The following LRRC49 variants were observed in gnomAD, a reference collection of about 807,000 sequenced individuals.
The protein encoded by LRRC49 is leucine-rich repeat-containing protein 49.
In LRRC49, 50 loss-of-function variants were observed where a neutral mutation model predicts 83.3. That is an observed-to-expected ratio of 0.60 (90% CI 0.48 to 0.76). The LOEUF is 0.76. Among genes scored for constraint, LRRC49 ranks in the 30% least tolerant of loss-of-function variants. The probability of loss-of-function intolerance (pLI) is 0.00; values close to 1 mark genes in which losing one functional copy is unlikely to be tolerated. For synonymous variants in LRRC49, 286 were observed against 283.3 expected (o/e 1.01, Z -0.10); for missense variants, 704 against 809.1 (o/e 0.87, Z 1.58).
intron 11 of LRRC49, among the ~76,000 whole-genome samples, chr15:71,007,430 C>A: frequency 6.6e-6 from 1 of 151,568 alleles, no homozygotes. Context: ...ACCATGGGAG[C>A]ACAAATAAGA....
rs538644866 is a variant in LRRC49, at chr15:70,905,966, A to T, written c.500+1211A>T. On this transcript the variant is annotated intron_variant, in intron 5 of 15. Coordinates refer to ENST00000260382, the MANE Select transcript of LRRC49 (RefSeq NM_017691.5). ...ATGGCCTCGGGGAGAAAGGTGAGAG[A>T]AGCTCAGACAGTGAGCTTAGGAAAA... 9.2e-5 allele frequency among the ~76,000 whole-genome samples: 14 copies of T among 152,204 alleles called. No individual in the cohort carries two copies. In the South Asian group the frequency reaches 2.3e-3, roughly 25 times the overall value.
intron 11 of LRRC49, among the ~76,000 whole-genome samples, chr15:70,988,635 C>T (rs1465594936): frequency 1.3e-5 from 2 of 151,536 alleles, no homozygotes; most frequent in African/African-American, 4.8e-5. Flanking sequence ...AGTCCATTTA[C>T]ATTTAAAGTT....
chr15:70,986,836 T>G (rs561604936), intron 11 of LRRC49, among the ~76,000 whole-genome samples: 1 of 152,344 alleles, frequency 6.6e-6, no homozygotes, highest in East Asian at 1.9e-4. Flanking sequence ...TGAGAGTTTT[T>G]AGCATGAAGG....
At chr15:70,988,153 T>C (rs1465977757) in intron 11 of LRRC49, among the ~76,000 whole-genome samples, 4 of 150,720 alleles carry the variant, frequency 2.7e-5, no homozygotes, top group African/African-American at 7.3e-5. Context: ...CTATTAGGTC[T>C]GCTTGGTGCA....
intron 7 of LRRC49, among the ~76,000 whole-genome samples, chr15:70,933,853 T>C (rs2035502653): frequency 6.6e-6 from 1 of 152,224 alleles, no homozygotes; most frequent in Non-Finnish European, 1.5e-5. Context: ...TCTTGGACCA[T>C]GATGTTAAAC....
intron 9 of LRRC49, among the ~76,000 whole-genome samples, chr15:70,964,450 T>C (rs1191404882): frequency 6.6e-6 from 1 of 152,182 alleles, no homozygotes; most frequent in Non-Finnish European, 1.5e-5. Context: ...TACTACACTT[T>C]AGACTGCGAG....
intron 6 of LRRC49, among the ~76,000 whole-genome samples, chr15:70,916,778 C>G (rs898756555): frequency 1.3e-5 from 2 of 152,124 alleles, no homozygotes; most frequent in African/African-American, 4.8e-5. Context: ...TGCAGCCACT[C>G]AAGTCACGGC....
chr15:70,891,939 G>T (rs2959174), upstream of LRRC49: 704,736 of 1,612,800 alleles, frequency 0.44, 160,284 homozygotes, highest in African/African-American at 0.72. Context: ...AGCTCTCCTC[G>T]CGTGTCCAGG....
intron 7 of LRRC49, among the ~76,000 whole-genome samples, chr15:70,933,246 A>G (rs1285365905): frequency 6.6e-6 from 1 of 152,206 alleles, no homozygotes; most frequent in Non-Finnish European, 1.5e-5. Flanking sequence ...AAATGTTTTG[A>G]ATATTATTTT....
At chr15:71,037,532 G>A (rs2039561895) in intron 15 of LRRC49, among the ~76,000 whole-genome samples, 200 bp downstream of exon 15, 1 of 151,990 alleles carries the variant, frequency 6.6e-6, no homozygotes, top group African/African-American at 2.4e-5. Flanking sequence ...GAAGAACCCA[G>A]GGTTTCAGTA....
At chr15:71,012,964 A>C in intron 14 of LRRC49, 51 bp downstream of exon 14, 4 of 1,185,986 alleles carry the variant, frequency 3.4e-6, no homozygotes, top group South Asian at 2.6e-5. Context: ...ACACTAGAAA[A>C]AGAAATAAAT....
rs1339482398 is a variant in LRRC49 at position 71,052,979 on chromosome 15, TATAA to T, written c.*3371_*3374del. 1 of 152,222 alleles carries T rather than the reference TATAA, an allele frequency of 6.6e-6. No homozygotes were observed. Among genetic ancestry groups the T allele is most frequent in the African/African-American group, 2.4e-5 (1 of 41,466 alleles). The allele number at this position is 152,222 out of a possible 1,614,324, so 9.4% of individuals were successfully genotyped here. ...AGCATATCGTAGACATTATGTGCGG[TATAA>T]ATACTAACAAATGTATAAGTACACA... On this transcript the variant is annotated 3_prime_UTR_variant, in exon 16 of 16. Transcript: ENST00000260382.
At chr15:71,023,593 G>A (rs764655724) in intron 14 of LRRC49, among the ~76,000 whole-genome samples, 6 of 152,056 alleles carry the variant, frequency 3.9e-5, no homozygotes, top group African/African-American at 1.4e-4. Flanking sequence ...TGGCCCACCT[G>A]AGAGCCACAC....
chr15:70,959,263 C>T (rs12592655), intron 8 of LRRC49, among the ~76,000 whole-genome samples: 69,137 of 151,896 alleles, frequency 0.46, 16,059 homozygotes, highest in East Asian at 0.65. Flanking sequence ...GAGGCCGAGG[C>T]GGGCGGATCA....
intron 11 of LRRC49, among the ~76,000 whole-genome samples, chr15:70,988,621 A>G (rs2037730677): frequency 6.6e-6 from 1 of 151,288 alleles, no homozygotes; most frequent in Non-Finnish European, 1.5e-5. Flanking sequence ...TAATTGGAGC[A>G]TTTAGTCCAT....
chr15:70,874,143 G>T (rs545880775), intron 2 of LRRC49, among the ~76,000 whole-genome samples: 1 of 152,098 alleles, frequency 6.6e-6, no homozygotes, highest in Non-Finnish European at 1.5e-5. Flanking sequence ...GACTCTGATC[G>T]GAACTGCAAA....
chr15:70,921,809 A>C lies in LRRC49; in HGVS notation c.711+2616A>C, dbSNP rs137858791. On this transcript the variant is annotated intron_variant, in intron 7 of 15. Transcript: ENST00000260382. ...TGTGTGTATTTTTATTGCTTCACCC[A>C]TTGAATCTTGGAAAGAAGGTGAAAC... Among the ~76,000 whole-genome samples, 56 of 152,304 alleles carry C rather than the reference A, an allele frequency of 3.7e-4. No individual in the cohort carries two copies. The South Asian group carries it at 9.5e-3, about 26-fold the overall frequency.
intron 9 of LRRC49, among the ~76,000 whole-genome samples, chr15:70,971,708 C>A (rs1170839919): frequency 6.6e-6 from 1 of 151,136 alleles, no homozygotes; most frequent in Non-Finnish European, 1.5e-5. Context: ...CATTAGATCC[C>A]TTTATTATTA....
intron 2 of LRRC49, among the ~76,000 whole-genome samples, chr15:70,883,105 T>C (rs935035354): frequency 5.3e-5 from 8 of 152,352 alleles, no homozygotes; most frequent in Middle Eastern, 3.4e-3. Flanking sequence ...TTTCCACTTA[T>C]AAATCATGAA....
Sources: allele counts gnomAD v4.1 joint callset (sites outside exome capture counted in the v4.1 genomes callset), GRCh38; gene constraint gnomAD v4.1.1; transcripts MANE v1.5; gene names NCBI Gene and HGNC (gene_info 2026-07-23, HGNC 2026-07-21).